Variants in PRKCE observed in about 807,000 individuals in gnomAD.
PRKCE encodes the protein protein kinase C epsilon.
PRKCE carries 16 observed loss-of-function variants against 85.4 expected under a neutral mutation model. The observed-to-expected ratio is 0.19, with a 90% confidence interval of 0.13 to 0.28. PRKCE has a LOEUF of 0.28. Ranked by LOEUF, PRKCE falls within the 10% of genes least tolerant of loss-of-function variation. The probability of loss-of-function intolerance (pLI) is 1.00; values close to 1 mark genes in which losing one functional copy is unlikely to be tolerated. For missense variants in PRKCE, 573 were observed against 975.2 expected (o/e 0.59, Z 5.49); for synonymous variants, 388 against 371.5 (o/e 1.04, Z -0.51).
At chr2:45,971,070 G>A (rs935460277) in intron 2 of PRKCE, among the ~76,000 whole-genome samples, 1 of 152,002 alleles carries the variant, frequency 6.6e-6, no homozygotes, top group Non-Finnish European at 1.5e-5. Flanking sequence ...AGTATACAAT[G>A]CAGTGTGTTA....
chr2:45,924,434 G>A (rs956295628), intron 2 of PRKCE, among the ~76,000 whole-genome samples: 2 of 152,198 alleles, frequency 1.3e-5, no homozygotes, highest in African/African-American at 4.8e-5. Flanking sequence ...TGGGATGGGT[G>A]GAAAGGAAGC....
In PRKCE at chr2:45,741,126, C is replaced by T. The variant is rs114868970; in HGVS notation, c.348+88678C>T. ...AATTGATACATTTGAATGCTGGCTT[C>T]GGGGATCCCAAATGTGATTGCTTCT... On this transcript the variant is annotated intron_variant, in intron 1 of 14. Coordinates refer to ENST00000306156, the MANE Select transcript of PRKCE (RefSeq NM_005400.3). Among the ~76,000 whole-genome samples, 512 of 152,254 alleles carry T rather than the reference C, an allele frequency of 3.4e-3. 3 individuals are homozygous for T. The highest frequency in any genetic ancestry group is 0.012 in the African/African-American group (498 of 41,538).
chr2:45,817,398 TA>T (rs541215544), intron 1 of PRKCE, among the ~76,000 whole-genome samples: 1 of 152,114 alleles, frequency 6.6e-6, no homozygotes, highest in African/African-American at 2.4e-5. Flanking sequence ...ATACTTTCTT[TA>T]AAAAAACTTT....
At position 45,774,215 on chromosome 2, in the gene PRKCE, G is replaced by A. The variant is rs1685572049; in HGVS notation, c.349-68785G>A. On this transcript the variant is annotated intron_variant, in intron 1 of 14. Transcript: ENST00000306156. This position sits in a 1 kb window ranked among gnomAD's most constrained non-coding sequence, Gnocchi z 4.3. ...TGGGCTGACCACCCCTGTGGTCAGGGCCTGCGACTGGTGAGGTTCTAAGGC... is the reference window on the plus strand; with the variant it reads ...TGGGCTGACCACCCCTGTGGTCAGGACCTGCGACTGGTGAGGTTCTAAGGC... 6.6e-6 allele frequency among the ~76,000 whole-genome samples: 1 copy of A among 152,096 alleles called. No homozygotes were observed. Among genetic ancestry groups the A allele is most frequent in the Non-Finnish European group, 1.5e-5 (1 of 68,002 alleles).
At chr2:45,771,048 C>G (rs1423923450) in intron 1 of PRKCE, among the ~76,000 whole-genome samples, 1 of 152,110 alleles carries the variant, frequency 6.6e-6, no homozygotes, top group African/African-American at 2.4e-5. Context: ...CCTGGGTTGA[C>G]TAATCAGTGG....
At chr2:45,772,280 A>C (rs984583455) in intron 1 of PRKCE, among the ~76,000 whole-genome samples, 4 of 145,906 alleles carry the variant, frequency 2.7e-5, no homozygotes, top group Admixed American at 6.8e-5. Flanking sequence ...TCTCAAAATA[A>C]AAAAAAAAAA....
chr2:46,152,760 G>A (rs1676773644), intron 13 of PRKCE, among the ~76,000 whole-genome samples: 4 of 151,824 alleles, frequency 2.6e-5, no homozygotes, highest in Admixed American at 1.3e-4. Context: ...TGTTGGCCAG[G>A]CTGGTTCCGA....
At chr2:46,107,674 C>G (rs1671861534) in intron 11 of PRKCE, among the ~76,000 whole-genome samples, 1 of 152,210 alleles carries the variant, frequency 6.6e-6, no homozygotes, top group Non-Finnish European at 1.5e-5. Context: ...GCATTTCTAT[C>G]AACAGTGAGT....
At chr2:46,125,821 A>T (rs1673793008) in intron 11 of PRKCE, among the ~76,000 whole-genome samples, 2 of 152,254 alleles carry the variant, frequency 1.3e-5, no homozygotes, top group Admixed American at 6.5e-5. Context: ...TAAGCATGAA[A>T]ATCAAAGTCC....
intron 10 of PRKCE, among the ~76,000 whole-genome samples, chr2:46,082,123 C>A (rs1868274): frequency 1.3e-5 from 2 of 151,738 alleles, no homozygotes; most frequent in African/African-American, 2.4e-5. Context: ...GAGGAGGAAG[C>A]GGGGTGGGTT....
chr2:45,772,278 T>TAA (rs199678263), intron 1 of PRKCE, among the ~76,000 whole-genome samples: 1 of 88,988 alleles, frequency 1.1e-5, no homozygotes, highest in Non-Finnish European at 2.5e-5. Context: ...CATCTCAAAA[T>TAA]AAAAAAAAAA....
chr2:45,897,931 T>C (rs778300323), intron 2 of PRKCE, among the ~76,000 whole-genome samples: 5 of 152,190 alleles, frequency 3.3e-5, no homozygotes, highest in Admixed American at 6.5e-5. Flanking sequence ...GGATACTGAT[T>C]TGCCCAACCT....
At chr2:45,679,661 G>A (rs1244152179) in intron 1 of PRKCE, among the ~76,000 whole-genome samples, 3 of 152,190 alleles carry the variant, frequency 2.0e-5, no homozygotes, top group African/African-American at 7.2e-5. Flanking sequence ...CAGAGTGGGT[G>A]CATGTGGAAC....
At position 46,128,512 on chromosome 2, in the gene PRKCE, C is replaced by T. The variant is rs370657706; in HGVS notation, c.1593-16581C>T. On this transcript the variant is annotated intron_variant, in intron 11 of 14. Coordinates refer to ENST00000306156, the MANE Select transcript of PRKCE (RefSeq NM_005400.3). ...CTAAGTGAGACTAAGACATTGTATTCACATAGTGTTAATACTAAATCAGAG... is the reference window on the plus strand; with the variant it reads ...CTAAGTGAGACTAAGACATTGTATTTACATAGTGTTAATACTAAATCAGAG... 5.9e-5 allele frequency among the ~76,000 whole-genome samples: 9 copies of T among 152,300 alleles called. No individual in the cohort carries two copies. In the East Asian group the frequency reaches 1.5e-3, roughly 26 times the overall value.
intron 12 of PRKCE, among the ~76,000 whole-genome samples, chr2:46,147,800 A>T (rs1676229300): frequency 6.6e-6 from 1 of 152,192 alleles, no homozygotes; most frequent in South Asian, 2.1e-4. Flanking sequence ...TGGGATAGGA[A>T]ACGCAATCCT....
intron 10 of PRKCE, among the ~76,000 whole-genome samples, chr2:46,038,702 CAT>C (rs1553327658): frequency 7.1e-6 from 1 of 139,876 alleles, no homozygotes; most frequent in East Asian, 2.1e-4. Context: ...CACACACACA[CAT>C]TTTCCAGATA....
In PRKCE at chr2:45,967,084, C is replaced by T. The variant is rs73926125; in HGVS notation, c.413-9345C>T. Reference sequence around the variant, plus strand: ...GGGTGTGCTGGTGGTAAATGTTTAACAACAACCTCCCCAAGAAAGTCCTGA... The same window carrying T: ...GGGTGTGCTGGTGGTAAATGTTTAATAACAACCTCCCCAAGAAAGTCCTGA... On this transcript the variant is annotated intron_variant, in intron 2 of 14. Transcript: ENST00000306156. Among the ~76,000 whole-genome samples, 847 of 152,282 alleles carry T rather than the reference C, an allele frequency of 5.6e-3. 9 individuals are homozygous for T. The highest frequency in any genetic ancestry group is 0.019 in the African/African-American group (800 of 41,552).
intron 6 of PRKCE, among the ~76,000 whole-genome samples, chr2:45,996,102 T>G (rs996542662): frequency 4.6e-5 from 7 of 152,190 alleles, no homozygotes; most frequent in African/African-American, 1.7e-4. Flanking sequence ...ATGTAAATAT[T>G]TCATTTGGGG....
chr2:45,742,902 A>G (rs568164936), intron 1 of PRKCE, among the ~76,000 whole-genome samples: 5 of 152,362 alleles, frequency 3.3e-5, no homozygotes, highest in Non-Finnish European at 1.5e-5. Flanking sequence ...GTCTGTTGAC[A>G]GATGGAAGGA....
Sources: gnomAD v4.1 joint callset for allele counts (sites outside exome capture counted in the v4.1 genomes callset) on GRCh38, gnomAD v4.1.1 for gene constraint, Gnocchi (gnomAD v3.1) non-coding constraint, MANE v1.5 for transcripts, NCBI Gene and HGNC (gene_info 2026-07-23, HGNC 2026-07-21) for gene names.